Variants in ZFAND3 observed in about 807,000 individuals in gnomAD.
The protein encoded by ZFAND3 is zinc finger AN1-type containing 3, also known as AN1-type zinc finger protein 3.
ZFAND3 carries 10 observed loss-of-function variants against 29.6 expected under a neutral mutation model. The ratio of observed to expected loss-of-function variants is 0.34; its 90% CI spans 0.21 to 0.57. The LOEUF (loss-of-function observed/expected upper bound fraction) is 0.57, where lower values mean the gene tolerates loss of function less well. ZFAND3 is among the 20% of genes least tolerant of loss of function. The pLI, the probability that ZFAND3 is intolerant of heterozygous loss-of-function variation, is 0.86. For missense variants in ZFAND3, 230 were observed against 304.5 expected (o/e 0.76, Z 1.82); for synonymous variants, 128 against 112.6 (o/e 1.14, Z -0.87).
At chr6:38,062,972 C>T (rs1233672993) in intron 3 of ZFAND3, among the ~76,000 whole-genome samples, 1 of 151,660 alleles carries the variant, frequency 6.6e-6, no homozygotes. Context: ...GTTTATGGTC[C>T]CAGCTACTTG....
chr6:37,927,259 A>G, intron 1 of ZFAND3, among the ~76,000 whole-genome samples: 1 of 152,192 alleles, frequency 6.6e-6, no homozygotes, highest in Non-Finnish European at 1.5e-5. Flanking sequence ...AGATGTTAAA[A>G]CTGGCACACT....
At chr6:38,030,060 A>G (rs1324433293) in intron 2 of ZFAND3, among the ~76,000 whole-genome samples, 1 of 6,814 alleles carries the variant, frequency 1.5e-4, no homozygotes, top group Non-Finnish European at 4.6e-4. Context: ...GGATATATAT[A>G]TATATATATA....
In ZFAND3 at chr6:37,944,700, A is replaced by G. The variant is rs533474346; in HGVS notation, c.112+14701A>G. Among the ~76,000 whole-genome samples, 3 of 152,298 alleles carry G rather than the reference A, an allele frequency of 2.0e-5. No individual in the cohort carries two copies. The South Asian group carries it at 6.2e-4, about 32-fold the overall frequency. On this transcript the variant is annotated intron_variant, in intron 2 of 5. Transcript: ENST00000287218. ...CAATTTGAGAACTTAAGTAATGACA[A>G]TACTAAGTATTTAATATTTTTTCTT... is the stretch of plus-strand genomic sequence containing the variant.
rs183445916 is a variant in ZFAND3 at position 38,005,137 on chromosome 6, C to G, written c.113-56456C>G. On this transcript the variant is annotated intron_variant, in intron 2 of 5. Transcript: ENST00000287218. ...AGATCAAAAATGAGAGTCTGCTCAGCAGATTTGCAGAGAGTCTCTGATAAA... is the reference window on the plus strand; with the variant it reads ...AGATCAAAAATGAGAGTCTGCTCAGGAGATTTGCAGAGAGTCTCTGATAAA... Among the ~76,000 whole-genome samples the G allele has an allele frequency of 3.2e-3, 490 of 152,252 alleles. 2 individuals are homozygous for G. The highest frequency in any genetic ancestry group is 9.0e-3 in the African/African-American group (373 of 41,558).
At chr6:37,835,351 T>A (rs530049611) in intron 1 of ZFAND3, among the ~76,000 whole-genome samples, 38 of 152,190 alleles carry the variant, frequency 2.5e-4, no homozygotes, top group African/African-American at 8.9e-4. Flanking sequence ...GAGACAGGGT[T>A]TCACCATGTT....
At chr6:37,867,602 A>G (rs1193775837) in intron 1 of ZFAND3, among the ~76,000 whole-genome samples, 1 of 152,214 alleles carries the variant, frequency 6.6e-6, no homozygotes, top group African/African-American at 2.4e-5. Flanking sequence ...ATTCCACATT[A>G]GTGGTACTTG....
intron 4 of ZFAND3, among the ~76,000 whole-genome samples, chr6:38,104,667 A>T (rs1211900442): frequency 6.6e-6 from 1 of 152,236 alleles, no homozygotes; most frequent in Non-Finnish European, 1.5e-5. Flanking sequence ...ATCATGTGAG[A>T]AGTCTTATAA....
At chr6:38,093,855 C>T (rs181806142) in intron 4 of ZFAND3, among the ~76,000 whole-genome samples, 106 of 152,094 alleles carry the variant, frequency 7.0e-4, no homozygotes, top group Middle Eastern at 3.4e-3. Flanking sequence ...GAGACAGGGT[C>T]GGGCATTTTT....
intron 4 of ZFAND3, among the ~76,000 whole-genome samples, chr6:38,108,013 C>T (rs1441495505): frequency 6.6e-6 from 1 of 151,550 alleles, no homozygotes; most frequent in Non-Finnish European, 1.5e-5. Flanking sequence ...GAGATTTAGA[C>T]ATAAGAGCCA....
rs978096812 is a variant in ZFAND3 at position 38,153,355 on chromosome 6, C to T, written c.*966C>T. 6.1e-6 allele frequency: 6 copies of T among 985,384 alleles called. No individual in the cohort carries two copies. Among genetic ancestry groups the T allele is most frequent in the African/African-American group, 5.2e-5 (3 of 57,258 alleles). The allele number at this position is 985,384 out of a possible 1,614,324, so 61.0% of individuals were successfully genotyped here. The stretch of plus-strand genomic sequence containing the variant: ...GAAGCTGCCGCCCACGGGCTCTGCC[C>T]CTTCCAGCTGGAGCCGCCCGTGCCT... On this transcript the variant is annotated 3_prime_UTR_variant, in exon 6 of 6. Transcript: ENST00000287218.
At chr6:37,855,066 C>T (rs1764355761) in intron 1 of ZFAND3, among the ~76,000 whole-genome samples, 1 of 149,514 alleles carries the variant, frequency 6.7e-6, no homozygotes, top group African/African-American at 2.5e-5. Context: ...TGGGTGATCC[C>T]CTCTGATATC....
At chr6:37,925,069 TC>T (rs1244502684) in intron 1 of ZFAND3, among the ~76,000 whole-genome samples, 1 of 150,556 alleles carries the variant, frequency 6.6e-6, no homozygotes, top group Admixed American at 6.6e-5. Context: ...CAAGGAGACT[TC>T]CAGACTTTTT....
intron 2 of ZFAND3, among the ~76,000 whole-genome samples, chr6:38,041,650 T>TTCC (rs796081750): frequency 9.4e-5 from 2 of 21,376 alleles, no homozygotes; most frequent in East Asian, 5.7e-3. Flanking sequence ...CTTCTTCTTC[T>TTCC]TCTTCTTCTT....
At chr6:37,874,006 T>A in intron 1 of ZFAND3, among the ~76,000 whole-genome samples, 1 of 152,348 alleles carries the variant, frequency 6.6e-6, no homozygotes, top group Admixed American at 6.5e-5. Flanking sequence ...AACAAAGTGT[T>A]GCAAACTAGA....
At chr6:38,114,992 A>G (rs1765389524) in intron 4 of ZFAND3, among the ~76,000 whole-genome samples, 1 of 152,238 alleles carries the variant, frequency 6.6e-6, no homozygotes, top group Non-Finnish European at 1.5e-5. Flanking sequence ...AGTGCTAAGA[A>G]TAGGGATTCA....
At chr6:38,081,497 G>A (rs988857579) in intron 3 of ZFAND3, among the ~76,000 whole-genome samples, 1 of 152,086 alleles carries the variant, frequency 6.6e-6, no homozygotes, top group African/African-American at 2.4e-5. Context: ...TGTTGTAGGA[G>A]ATACACAACT....
At chr6:37,931,223 G>A (rs1761588834) in intron 2 of ZFAND3, among the ~76,000 whole-genome samples, 1 of 152,158 alleles carries the variant, frequency 6.6e-6, no homozygotes, top group Non-Finnish European at 1.5e-5. Flanking sequence ...ACAGTTGTAA[G>A]CCCTTTTTAG....
In ZFAND3 at chr6:37,998,539, C is replaced by T. The variant is rs575760455; in HGVS notation, c.113-63054C>T. On this transcript the variant is annotated intron_variant, in intron 2 of 5. Transcript: ENST00000287218. ...TATGAAACATCTGTAATGAGGGGGG[C>T]GGGAGGGGGAGAGAAAAAAATGCTG... Among the ~76,000 whole-genome samples, 18 of 96,658 alleles carry T rather than the reference C, an allele frequency of 1.9e-4. No individual in the cohort carries two copies. The East Asian group carries it at 2.1e-3, about 11-fold the overall frequency. 63.4% of individuals were successfully genotyped at this position (96,658 alleles called of 152,430 possible).
intron 2 of ZFAND3, among the ~76,000 whole-genome samples, chr6:37,963,212 A>G (rs1762230109): frequency 6.6e-6 from 1 of 152,236 alleles, no homozygotes; most frequent in Non-Finnish European, 1.5e-5. Context: ...TGGAACACCA[A>G]GTAGATTTAA....
Sources: allele counts gnomAD v4.1 joint callset (sites outside exome capture counted in the v4.1 genomes callset), GRCh38; gene constraint gnomAD v4.1.1; transcripts MANE v1.5; gene names NCBI Gene and HGNC (gene_info 2026-07-23, HGNC 2026-07-21).